RBFOX1: variants seen among roughly 807,000 people sequenced by gnomAD.
RBFOX1 encodes RNA binding protein fox-1 homolog 1.
Under a neutral mutation model 57.7 loss-of-function variants are expected in RBFOX1, and 8 were observed. The ratio of observed to expected loss-of-function variants is 0.14; its 90% CI spans 0.08 to 0.25. The LOEUF (loss-of-function observed/expected upper bound fraction) is 0.25, where lower values mean the gene tolerates loss of function less well. Among genes scored for constraint, RBFOX1 ranks in the 10% least tolerant of loss-of-function variants. RBFOX1 has a pLI of 1.00. For missense variants in RBFOX1, 611 were observed against 548.5 expected (o/e 1.11, Z -1.14); for synonymous variants, 326 against 222.4 (o/e 1.47, Z -4.15).
chr16:6,466,278 GGTTATAATATT>G (rs1280100750), intron 2 of RBFOX1, among the ~76,000 whole-genome samples: 4 of 151,156 alleles, frequency 2.6e-5, no homozygotes, highest in Non-Finnish European at 5.9e-5. Flanking sequence ...AATCATCCAT[GGTTATAATATT>G]CTTGACTGCA....
chr16:6,611,171 C>G (rs2098044646), intron 2 of RBFOX1, among the ~76,000 whole-genome samples: 1 of 151,932 alleles, frequency 6.6e-6, no homozygotes, highest in Non-Finnish European at 1.5e-5. Context: ...GGGGAGGGGA[C>G]GAAGTCTCTC....
At chr16:5,766,083 C>T (rs1200793672) in intron 3 of RBFOX1, among the ~76,000 whole-genome samples, 1 of 152,178 alleles carries the variant, frequency 6.6e-6, no homozygotes, top group African/African-American at 2.4e-5. Context: ...GTTCTGTCCT[C>T]CCGACCAAGG....
rs563793309 is a variant in RBFOX1 at position 5,733,945 on chromosome 16, T to C, written c.319-133358T>C. On this transcript the variant is annotated intron_variant, in intron 3 of 19. Transcript: ENST00000641259. Reference sequence around the variant, plus strand: ...CCCTTCATTTTCTCCATTTCCTTCATGCTTCCTGACCTCGACCCTTCTCCT... The same window carrying C: ...CCCTTCATTTTCTCCATTTCCTTCACGCTTCCTGACCTCGACCCTTCTCCT... 4.7e-4 allele frequency among the ~76,000 whole-genome samples: 71 copies of C among 152,218 alleles called. No individual in the cohort carries two copies. In the South Asian group the frequency reaches 9.6e-3, roughly 20 times the overall value.
intron 4 of RBFOX1, among the ~76,000 whole-genome samples, chr16:7,057,103 A>G (rs2052567175): frequency 6.6e-6 from 1 of 152,032 alleles, no homozygotes; most frequent in Non-Finnish European, 1.5e-5. Flanking sequence ...CCCAATAATT[A>G]TTTCACTTCT....
At chr16:6,275,652 C>T (rs559851042) in intron 1 of RBFOX1, among the ~76,000 whole-genome samples, 5 of 152,166 alleles carry the variant, frequency 3.3e-5, no homozygotes, top group East Asian at 3.9e-4. Context: ...GATAGTACTA[C>T]ATTATTTGAT....
chr16:5,881,364 A>G (rs1429098544), intron 4 of RBFOX1, among the ~76,000 whole-genome samples: 1 of 152,132 alleles, frequency 6.6e-6, no homozygotes, highest in Non-Finnish European at 1.5e-5. Flanking sequence ...CTTCTTTTCC[A>G]ATACAGCACA....
intron 5 of RBFOX1, among the ~76,000 whole-genome samples, chr16:7,533,828 C>T (rs374444156): frequency 4.5e-4 from 69 of 152,296 alleles, no homozygotes; most frequent in African/African-American, 1.6e-3. Flanking sequence ...GTAAATACTA[C>T]ATTCTTCTTC....
At chr16:7,568,363 C>T (rs190533230) in intron 5 of RBFOX1, among the ~76,000 whole-genome samples, 9 of 152,270 alleles carry the variant, frequency 5.9e-5, no homozygotes, top group Admixed American at 4.6e-4. Flanking sequence ...ATAGGGTAAC[C>T]TCCTGACATT....
chr16:5,959,643 A>T (rs1471003977), intron 4 of RBFOX1, among the ~76,000 whole-genome samples: 3 of 152,284 alleles, frequency 2.0e-5, no homozygotes, highest in South Asian at 4.1e-4. Flanking sequence ...AATTTTAAGG[A>T]TGTGTAAGGA....
chr16:6,930,379 C>A (rs750949180), intron 3 of RBFOX1, among the ~76,000 whole-genome samples: 28 of 152,054 alleles, frequency 1.8e-4, no homozygotes, highest in Non-Finnish European at 3.1e-4. Flanking sequence ...CAATGAGATA[C>A]CACCTCACAC....
At chr16:5,254,705 C>G (rs1410238697) in intron 1 of RBFOX1, among the ~76,000 whole-genome samples, 1 of 152,166 alleles carries the variant, frequency 6.6e-6, no homozygotes, top group African/African-American at 2.4e-5. Flanking sequence ...AACAACAGTT[C>G]CAGCGTTTAG....
intron 4 of RBFOX1, among the ~76,000 whole-genome samples, chr16:5,910,294 C>A (rs1045683316): frequency 6.6e-6 from 1 of 152,104 alleles, no homozygotes; most frequent in African/African-American, 2.4e-5. Flanking sequence ...TAGCATCACA[C>A]AGAGGGGCAC....
In RBFOX1 at chr16:5,947,482, C is replaced by G. The variant is rs562046578; in HGVS notation, c.351+80147C>G. On this transcript the variant is annotated intron_variant, in intron 4 of 19. Coordinates refer to the RBFOX1 transcript ENST00000641259. The surrounding 1 kb of genome is among the most constrained non-coding windows in gnomAD (Gnocchi z 7.2). ...TCTTGTGCTCAAGCCATTTTCCTGC[C>G]TCTGCCAGTTTTTAAAATTTTTAGA... Among the ~76,000 whole-genome samples, 21 of 152,226 alleles carry G rather than the reference C, an allele frequency of 1.4e-4. No homozygotes were observed. The highest frequency in any genetic ancestry group is 4.1e-4 in the South Asian group (2 of 4,824).
At chr16:6,131,869 G>T (rs1456170073) in intron 1 of RBFOX1, among the ~76,000 whole-genome samples, 1 of 152,154 alleles carries the variant, frequency 6.6e-6, no homozygotes, top group African/African-American at 2.4e-5. Flanking sequence ...GTAGGCGGCT[G>T]TTTGAGAGGT....
At position 5,876,045 on chromosome 16, in the gene RBFOX1, G is replaced by A. The variant is rs569078405; in HGVS notation, c.351+8710G>A. Among the ~76,000 whole-genome samples the A allele has an allele frequency of 2.3e-4, 35 of 152,130 alleles. No individual in the cohort carries two copies. In the East Asian group the frequency reaches 3.5e-3, roughly 15 times the overall value. Reference sequence around the variant, plus strand: ...TTTTTAGTAGAGAAGGGGTTTCGCCGTGTTAGCCAGGGTAGTCTTGATCTT... The same window carrying A: ...TTTTTAGTAGAGAAGGGGTTTCGCCATGTTAGCCAGGGTAGTCTTGATCTT... On this transcript the variant is annotated intron_variant, in intron 4 of 19. Transcript: ENST00000641259.
chr16:7,146,467 T>G (rs1482600499), intron 4 of RBFOX1, among the ~76,000 whole-genome samples: 1 of 152,166 alleles, frequency 6.6e-6, no homozygotes, highest in Non-Finnish European at 1.5e-5. Flanking sequence ...CTAGTGACGA[T>G]GAACAAAGGT....
At chr16:6,951,857 C>T (rs2080837688) in intron 3 of RBFOX1, among the ~76,000 whole-genome samples, 1 of 152,294 alleles carries the variant, frequency 6.6e-6, no homozygotes, top group African/African-American at 2.4e-5. Context: ...CCTCAGCCTA[C>T]TGAGTAGCTG....
chr16:5,362,723 A>G (rs1297832699), intron 1 of RBFOX1, among the ~76,000 whole-genome samples: 3 of 152,190 alleles, frequency 2.0e-5, no homozygotes, highest in Admixed American at 6.5e-5. Flanking sequence ...TCAGCCCCCG[A>G]CAACCACCAT....
intron 4 of RBFOX1, among the ~76,000 whole-genome samples, chr16:7,186,847 A>T (rs1233636674): frequency 1.3e-5 from 2 of 151,454 alleles, no homozygotes; most frequent in African/African-American, 4.8e-5. Context: ...AATATTCTTT[A>T]TGACTTATTT....
Sources: gnomAD v4.1 joint callset for allele counts (sites outside exome capture counted in the v4.1 genomes callset) on GRCh38, gnomAD v4.1.1 for gene constraint, Gnocchi (gnomAD v3.1) non-coding constraint, MANE v1.5 for transcripts, NCBI Gene and HGNC (gene_info 2026-07-23, HGNC 2026-07-21) for gene names.